Variants in NALCN observed in about 807,000 individuals in gnomAD.
The protein encoded by NALCN is sodium leak channel, non-selective, also known as sodium leak channel NALCN.
In NALCN, 111 loss-of-function variants were observed where a neutral mutation model predicts 225.3. The observed-to-expected ratio is 0.49, with a 90% CI of 0.42 to 0.58. The LOEUF (loss-of-function observed/expected upper bound fraction) is 0.58. Among genes scored for constraint, NALCN ranks in the 20% least tolerant of loss-of-function variants. The pLI is 0.00. For synonymous variants in NALCN, 764 were observed against 769.0 expected (o/e 0.99, Z 0.11); for missense variants, 1,378 against 2,202.4 (o/e 0.63, Z 7.49).
Position 101,292,464 on chromosome 13 carries a change from C to A in NALCN, c.800-98G>T. ...ATCAATATTTATCCATACTTATTTT[C>A]TCAATGACAAAAGTGCTTCAAAAAT... On this transcript the variant is annotated intron_variant, in intron 7 of 43. Transcript: ENST00000251127. This position sits in a 1 kb window ranked among gnomAD's most constrained non-coding sequence, Gnocchi z 4.3. 7.8e-7 allele frequency: 1 copy of A among 1,275,824 alleles called. No individual in the cohort carries two copies. Among genetic ancestry groups the A allele is most frequent in the Non-Finnish European group, 1.1e-6 (1 of 942,526 alleles). 79.0% of individuals were successfully genotyped at this position (1,275,824 alleles called of 1,614,324 possible). A position where few individuals can be genotyped will look rare whatever the true frequency, so the allele number is the denominator to read the frequency against.
intron 6 of NALCN, among the ~76,000 whole-genome samples, chr13:101,346,739 T>C (rs559435277): frequency 2.0e-5 from 3 of 152,242 alleles, no homozygotes; most frequent in South Asian, 2.1e-4. Flanking sequence ...ATAGATAACA[T>C]AGGACTGCTG....
intron 17 of NALCN, chr13:101,142,631 A>C (rs1335061055): frequency 1.9e-5 from 3 of 160,884 alleles, no homozygotes; most frequent in Non-Finnish European, 4.1e-5. Context: ...TCTTGCACCT[A>C]AGTTCCTGCC....
intron 16 of NALCN, among the ~76,000 whole-genome samples, chr13:101,144,378 C>A (rs758116946): frequency 1.3e-5 from 2 of 152,124 alleles, no homozygotes; most frequent in African/African-American, 2.4e-5. Flanking sequence ...AATAAAAGGG[C>A]CACAGAGGCA....
At chr13:101,393,342 G>C (rs1224236469) in intron 3 of NALCN, among the ~76,000 whole-genome samples, 1 of 152,216 alleles carries the variant, frequency 6.6e-6, no homozygotes, top group Non-Finnish European at 1.5e-5. Flanking sequence ...AGAAGCACCT[G>C]TGCGCATTGC....
At chr13:101,374,614 G>C (rs1337219793) in intron 6 of NALCN, among the ~76,000 whole-genome samples, 1 of 152,114 alleles carries the variant, frequency 6.6e-6, no homozygotes, top group Non-Finnish European at 1.5e-5. Flanking sequence ...AAGTAGGTAT[G>C]AGATGCATGC....
chr13:101,394,449 G>A (rs1566647851), intron 3 of NALCN, among the ~76,000 whole-genome samples: 1 of 152,136 alleles, frequency 6.6e-6, no homozygotes, highest in East Asian at 1.9e-4. Flanking sequence ...TCTGTCATTT[G>A]TCAAACTCTA....
At chr13:101,278,257 G>T (rs1484469422) in intron 10 of NALCN, among the ~76,000 whole-genome samples, 6 of 152,078 alleles carry the variant, frequency 3.9e-5, no homozygotes, top group Admixed American at 3.9e-4. Flanking sequence ...GGGCACAGTG[G>T]CTCACACCTG....
At chr13:101,341,782 A>G (rs2045566631) in intron 7 of NALCN, among the ~76,000 whole-genome samples, 2 of 152,172 alleles carry the variant, frequency 1.3e-5, no homozygotes, top group Non-Finnish European at 2.9e-5. Flanking sequence ...GTTTCCCCCA[A>G]ATTCATTTGT....
chr13:101,170,286 G>A (rs1346393159), intron 15 of NALCN, among the ~76,000 whole-genome samples: 1 of 152,176 alleles, frequency 6.6e-6, no homozygotes, highest in Non-Finnish European at 1.5e-5. Flanking sequence ...CTCAGGGCAG[G>A]AGAAGGTTGT....
At chr13:101,338,385 A>G (rs1377648722) in intron 7 of NALCN, among the ~76,000 whole-genome samples, 1 of 152,230 alleles carries the variant, frequency 6.6e-6, no homozygotes, top group Non-Finnish European at 1.5e-5. Context: ...CTAAAGACTA[A>G]TAAAAAATGC....
At chr13:101,330,582 G>A (rs1191104826) in intron 7 of NALCN, among the ~76,000 whole-genome samples, 1 of 152,198 alleles carries the variant, frequency 6.6e-6, no homozygotes, top group East Asian at 1.9e-4. Flanking sequence ...CCAGACCTGG[G>A]CCAACTGAAG....
In NALCN at chr13:101,286,897, A is replaced by ACACACC. The variant is rs2043359400; in HGVS notation, c.1048-2879_1048-2878insGGTGTG. ...CACACACACACACACACACACACAC[A>ACACACC]CCTGCATCCCACAGACAAACATAGG... On this transcript the variant is annotated intron_variant, in intron 9 of 43. Coordinates refer to ENST00000251127, the MANE Select transcript of NALCN (RefSeq NM_052867.4). 4.0e-5 allele frequency among the ~76,000 whole-genome samples: 6 copies of ACACACC among 149,552 alleles called. No individual in the cohort carries two copies. The South Asian group carries it at 1.3e-3, about 32-fold the overall frequency.
At chr13:101,239,127 T>C (rs1036656388) in intron 11 of NALCN, among the ~76,000 whole-genome samples, 1 of 151,976 alleles carries the variant, frequency 6.6e-6, no homozygotes, top group African/African-American at 2.4e-5. Flanking sequence ...GTTAATGTCA[T>C]GTATATTCTT....
At chr13:101,224,857 C>T (rs773360733) in intron 13 of NALCN, among the ~76,000 whole-genome samples, 16 of 152,140 alleles carry the variant, frequency 1.1e-4, no homozygotes, top group Non-Finnish European at 2.1e-4. Flanking sequence ...TTTTCAGCCT[C>T]GGAGGGAAAT....
At chr13:101,144,252 G>A (rs2037231915) in intron 16 of NALCN, among the ~76,000 whole-genome samples, 1 of 152,198 alleles carries the variant, frequency 6.6e-6, no homozygotes, top group African/African-American at 2.4e-5. Flanking sequence ...AAACGCCACG[G>A]TTCTTCTTTT....
chr13:101,384,159 C>T (rs2046922999), intron 3 of NALCN, among the ~76,000 whole-genome samples: 1 of 152,052 alleles, frequency 6.6e-6, no homozygotes, highest in African/African-American at 2.4e-5. Context: ...ATATTTGCAA[C>T]CCAATTCTAA....
At chr13:101,392,023 A>AAAAACT (rs1555345826) in intron 3 of NALCN, among the ~76,000 whole-genome samples, 2 of 151,588 alleles carry the variant, frequency 1.3e-5, no homozygotes, top group Non-Finnish European at 1.5e-5. Context: ...AACAAAAAAT[A>AAAAACT]AAAAATAAAA....
intron 10 of NALCN, among the ~76,000 whole-genome samples, chr13:101,266,401 A>T (rs1309342805): frequency 6.6e-6 from 1 of 152,206 alleles, no homozygotes; most frequent in African/African-American, 2.4e-5. Context: ...ACTTCATAAA[A>T]GCTCTTTCTA....
In NALCN at chr13:101,395,299, T is replaced by C. The variant is rs77203309; in HGVS notation, c.175A>G (p.Met59Val). The change falls in exon 3 of 44, where the codon ATG (methionine) becomes GTG (valine). Residue 59 changes from methionine (M) to valine (V), a missense_variant. Physicochemically the swap from Met to Val is conservative, Grantham distance 21. Around this residue, in one of 19 missense-constraint regions of NALCN, gnomAD observed 146 missense variants for 205.9 expected, o/e 0.71. Coordinates refer to ENST00000251127, the MANE Select transcript of NALCN (RefSeq NM_052867.4). ...SVISVCMNTP[M>V]TFEHYPPLQY... is the part of the protein sequence containing the mutation. ...AGTGGAGGATAGTGCTCGAAGGTCA[T>C]TGGCGTATTCATACAAACAGAAATG... 130 of 1,613,972 alleles carry C rather than the reference T, an allele frequency of 8.1e-5. No individual in the cohort carries two copies. The Admixed American group carries it at 2.1e-3, about 26-fold the overall frequency.
Sources: gnomAD v4.1 joint callset for allele counts (sites outside exome capture counted in the v4.1 genomes callset) on GRCh38, gnomAD v4.1.1 for gene constraint, gnomAD v4.1.1 regional missense constraint, Gnocchi (gnomAD v3.1) non-coding constraint, MANE v1.5 for transcripts, NCBI Gene and HGNC (gene_info 2026-07-23, HGNC 2026-07-21) for gene names.